The following NCKAP1 variants were observed in gnomAD, a reference collection of about 807,000 sequenced individuals.
NCKAP1 encodes NCK associated protein 1, also known as nck-associated protein 1.
NCKAP1 carries 21 observed loss-of-function variants against 151.2 expected under a neutral mutation model. The ratio of observed to expected loss-of-function variants is 0.14; its 90% confidence interval spans 0.10 to 0.20. The LOEUF is 0.20. NCKAP1 is among the 10% of genes least tolerant of loss of function. The pLI is 1.00. For synonymous variants in NCKAP1, 484 were observed against 451.8 expected (o/e 1.07, Z -0.90); for missense variants, 933 against 1,352.1 (o/e 0.69, Z 4.86).
At chr2:183,007,774 G>A (rs559308177) in intron 2 of NCKAP1, among the ~76,000 whole-genome samples, 1 of 152,212 alleles carries the variant, frequency 6.6e-6, no homozygotes, top group African/African-American at 2.4e-5. Flanking sequence ...GATGCTATTT[G>A]GGTAAATCTC....
At chr2:182,939,130 G>A (rs1696942659) in intron 24 of NCKAP1, among the ~76,000 whole-genome samples, 1 of 152,086 alleles carries the variant, frequency 6.6e-6, no homozygotes, top group Non-Finnish European at 1.5e-5. Flanking sequence ...CTGGAATTAG[G>A]GAGTCAGTAA....
chr2:182,934,182 G>A (rs1306439099), intron 26 of NCKAP1, among the ~76,000 whole-genome samples: 6 of 151,802 alleles, frequency 4.0e-5, no homozygotes, highest in Non-Finnish European at 7.4e-5. Flanking sequence ...CTGTTGCCCA[G>A]GCTAGAGTGT....
chr2:183,032,267 C>T (rs1425941099), intron 1 of NCKAP1, among the ~76,000 whole-genome samples: 1 of 152,164 alleles, frequency 6.6e-6, no homozygotes, highest in Non-Finnish European at 1.5e-5. Flanking sequence ...TCTCAACTCA[C>T]AGAATATTCT....
rs1248072073 is a variant in NCKAP1, at chr2:182,922,671, C to T, written c.*3031G>A. The T allele has an allele frequency of 1.3e-5, 2 of 152,312 alleles. No individual in the cohort carries two copies. The highest frequency in any genetic ancestry group is 2.9e-5 in the Non-Finnish European group (2 of 68,146). 9.4% of individuals were successfully genotyped at this position (152,312 alleles called of 1,614,324 possible). On this transcript the variant is annotated 3_prime_UTR_variant, in exon 31 of 31. Coordinates refer to ENST00000361354, the MANE Select transcript of NCKAP1 (RefSeq NM_013436.5). ...CTAACACTTTCTTCTAAAGTAGTTT[C>T]ACCACTGCCTCCCCACATTATCCTG...
Position 182,976,893 on chromosome 2 carries a change from C to T in NCKAP1, c.1482G>A (p.Gln494=). The change falls in exon 15 of 31, where the codon CAG becomes CAA. Residue 494 remains glutamine, a splice_region_variant and synonymous_variant. Coordinates refer to ENST00000361354, the MANE Select transcript of NCKAP1 (RefSeq NM_013436.5). ...AATGACAATAAAAGGTTATTCTTAC[C>T]TGTAACCTAAACCAATCTAATCTCA... is the stretch of plus-strand genomic sequence containing the variant. ...RGMRLDWFRL[Q]AYTSVSKASL... is the part of the protein sequence containing the mutation. 6.6e-7 allele frequency: 1 copy of T among 1,513,124 alleles called. No individual in the cohort carries two copies. The highest frequency in any genetic ancestry group is 8.9e-7 in the Non-Finnish European group (1 of 1,127,664). The allele number at this position is 1,513,124 out of a possible 1,614,324, so 93.7% of individuals were successfully genotyped here.
At chr2:182,980,765 T>C (rs1697920466) in intron 13 of NCKAP1, among the ~76,000 whole-genome samples, 1 of 152,176 alleles carries the variant, frequency 6.6e-6, no homozygotes, top group South Asian at 2.1e-4. Flanking sequence ...TTATATTGTC[T>C]CTATCATCTC....
At position 182,964,679 on chromosome 2, in the gene NCKAP1, T is replaced by C. The variant is rs1288199143; in HGVS notation, c.1758A>G (p.Glu586=). 9 of 1,597,554 alleles carry C rather than the reference T, an allele frequency of 5.6e-6. No homozygotes were observed. The highest frequency in any genetic ancestry group is 7.7e-6 in the Non-Finnish European group (9 of 1,172,388). ...FMSCTHELCP[E]ERHHIGDRSL... is the part of the protein sequence containing the mutation. The stretch of plus-strand genomic sequence containing the variant: ...CACAGTAGTACACTATAATTACCTC[T>C]TCTGGACATAGTTCATGCGTGCAAC... The change falls in exon 17 of 31, where the codon GAA becomes GAG. Residue 586 remains glutamate, a synonymous_variant. Transcript: ENST00000361354.
At chr2:183,029,213 G>A (rs1218790151) in intron 1 of NCKAP1, among the ~76,000 whole-genome samples, 1 of 151,914 alleles carries the variant, frequency 6.6e-6, no homozygotes, top group African/African-American at 2.4e-5. Flanking sequence ...AAAAATGAAG[G>A]ACAAGGATGT....
intron 29 of NCKAP1, 154 bp from the exon 30 acceptor site, chr2:182,927,059 A>C: frequency 1.9e-6 from 1 of 528,002 alleles, no homozygotes. Flanking sequence ...GATAGCCTAC[A>C]TTCAAGCAGT....
chr2:182,932,292 TA>T (rs1163318856), intron 26 of NCKAP1, among the ~76,000 whole-genome samples: 1 of 152,070 alleles, frequency 6.6e-6, no homozygotes, highest in Non-Finnish European at 1.5e-5. Context: ...CAACAATCAT[TA>T]AAAAAAGTAC....
rs972392914 is a variant in NCKAP1, at chr2:183,001,936, T to C, written c.603+17A>G. 1 of 1,598,914 alleles carries C rather than the reference T, an allele frequency of 6.3e-7. No individual in the cohort carries two copies. Among genetic ancestry groups the C allele is most frequent in the Non-Finnish European group, 8.6e-7 (1 of 1,166,656 alleles). Reference sequence around the variant, plus strand: ...TTATATGCCCATTCTCTCATATGCCTAACAACTGCCTCTTACCTTGCTATG... The same window carrying C: ...TTATATGCCCATTCTCTCATATGCCCAACAACTGCCTCTTACCTTGCTATG... On this transcript the variant is annotated intron_variant, in intron 6 of 30. Coordinates refer to ENST00000361354, the MANE Select transcript of NCKAP1 (RefSeq NM_013436.5).
intron 4 of NCKAP1, 93 bp from the exon 5 acceptor site, chr2:183,002,362 A>C: frequency 1.2e-6 from 1 of 852,852 alleles, no homozygotes; most frequent in Non-Finnish European, 1.7e-6. Context: ...AGAGCTAATA[A>C]TTTTCTGTAT....
chr2:182,959,983 T>G (rs1697410814), intron 18 of NCKAP1, among the ~76,000 whole-genome samples: 1 of 152,168 alleles, frequency 6.6e-6, no homozygotes, highest in Non-Finnish European at 1.5e-5. Flanking sequence ...CATTCACAAT[T>G]GCTTCAAAGA....
intron 20 of NCKAP1, 122 bp downstream of exon 20, chr2:182,956,340 C>A (rs375746755): frequency 2.3e-6 from 3 of 1,284,154 alleles, no homozygotes; most frequent in Admixed American, 2.4e-5. Flanking sequence ...ACGCCCGGCC[C>A]GGTTCATTAT....
At chr2:182,976,391 G>A (rs1358748442) in intron 15 of NCKAP1, among the ~76,000 whole-genome samples, 5 of 152,132 alleles carry the variant, frequency 3.3e-5, no homozygotes, top group African/African-American at 7.2e-5. Context: ...CTACCTGCTT[G>A]TTTTTATAAA....
At chr2:182,926,758 G>C (rs1270557180) in intron 30 of NCKAP1, 58 bp downstream of exon 30, 9 of 1,189,254 alleles carry the variant, frequency 7.6e-6, no homozygotes, top group Non-Finnish European at 1.1e-5. Context: ...GCCAAGAAAA[G>C]ATTCTCAGGA....
rs1197838778 is a variant in NCKAP1 at position 182,910,166 on chromosome 2, G to A, written c.*15536C>T. 2 of 152,150 alleles carry A rather than the reference G, an allele frequency of 1.3e-5. No homozygotes were observed. The highest frequency in any genetic ancestry group is 4.8e-5 in the African/African-American group (2 of 41,416). The allele number at this position is 152,150 out of a possible 1,614,324, so 9.4% of individuals were successfully genotyped here. On this transcript the variant is annotated 3_prime_UTR_variant, in exon 31 of 31. Coordinates refer to ENST00000361354, the MANE Select transcript of NCKAP1 (RefSeq NM_013436.5). Reference sequence around the variant, plus strand: ...ACTGCAGGTGCCCTGGTAGCCAAAAGGGCTCTAAGTTCAAACTCAAGGAGC... The same window carrying A: ...ACTGCAGGTGCCCTGGTAGCCAAAAAGGCTCTAAGTTCAAACTCAAGGAGC...
chr2:182,984,423 G>GGTGTGTGTGTGTGT (rs4018678), intron 10 of NCKAP1, among the ~76,000 whole-genome samples: 6 of 144,280 alleles, frequency 4.2e-5, no homozygotes, highest in Non-Finnish European at 6.2e-5. Flanking sequence ...TTTAGATTGG[G>GGTGTGTGTGTGTGT]GTGTGTGTGT....
intron 2 of NCKAP1, among the ~76,000 whole-genome samples, chr2:183,011,342 A>T (rs994991256): frequency 6.6e-6 from 1 of 152,202 alleles, no homozygotes; most frequent in African/African-American, 2.4e-5. Flanking sequence ...CCCATAAGTG[A>T]AAAATAATTT....
Sources: gnomAD v4.1 joint callset for allele counts (sites outside exome capture counted in the v4.1 genomes callset) on GRCh38, gnomAD v4.1.1 for gene constraint, MANE v1.5 for transcripts, NCBI Gene and HGNC (gene_info 2026-07-23, HGNC 2026-07-21) for gene names.